The following GAN variants were observed in gnomAD, a reference collection of about 807,000 sequenced individuals.
The protein encoded by GAN is epididymis secretory sperm binding protein.
GAN carries 48 observed loss-of-function variants against 71.3 expected under a neutral mutation model. The ratio of observed to expected loss-of-function variants is 0.67; its 90% CI spans 0.53 to 0.86. The LOEUF is 0.86. Ranked by LOEUF, GAN falls within the 40% of genes least tolerant of loss-of-function variation. The pLI, the probability that GAN is intolerant of heterozygous loss-of-function variation, is 0.00. For synonymous variants in GAN, 386 were observed against 276.8 expected (o/e 1.39, Z -3.92); for missense variants, 928 against 770.1 (o/e 1.21, Z -2.43).
At chr16:81,317,043 G>C (rs1418240955) in intron 1 of GAN, among the ~76,000 whole-genome samples, 1 of 152,094 alleles carries the variant, frequency 6.6e-6, no homozygotes, top group East Asian at 1.9e-4. Context: ...ATTTTTAGTA[G>C]AGTCGGGGTT....
intron 9 of GAN, among the ~76,000 whole-genome samples, chr16:81,376,412 G>A (rs78981443): frequency 0.016 from 2,480 of 151,250 alleles, 67 homozygotes; most frequent in East Asian, 0.12. Flanking sequence ...CTGAGCCCAG[G>A]AGCTCAAGAC....
At chr16:81,326,265 C>T (rs1038719509) in intron 1 of GAN, among the ~76,000 whole-genome samples, 1 of 151,980 alleles carries the variant, frequency 6.6e-6, no homozygotes, top group African/African-American at 2.4e-5. Flanking sequence ...AGCCTATAAT[C>T]CCAGCACTTT....
rs962439462 is a variant in GAN at position 81,346,807 on chromosome 16, C to T, written c.168-4776C>T. 2.6e-5 allele frequency among the ~76,000 whole-genome samples: 4 copies of T among 152,220 alleles called. No homozygotes were observed. The South Asian group carries it at 8.3e-4, about 32-fold the overall frequency. On this transcript the variant is annotated intron_variant, in intron 1 of 10. Coordinates refer to ENST00000648994, the MANE Select transcript of GAN (RefSeq NM_022041.4). Reference sequence around the variant, plus strand: ...GGGAGCCTGGTGCTGGGAGAGAAGACTGCCTGGCAGGAGGCAGGTCTCTTC... The same window carrying T: ...GGGAGCCTGGTGCTGGGAGAGAAGATTGCCTGGCAGGAGGCAGGTCTCTTC...
At chr16:81,334,463 A>G (rs1396115516) in intron 1 of GAN, among the ~76,000 whole-genome samples, 1 of 152,196 alleles carries the variant, frequency 6.6e-6, no homozygotes, top group Non-Finnish European at 1.5e-5. Flanking sequence ...GAATCTTCCC[A>G]GGCAGGGCAC....
intron 1 of GAN, among the ~76,000 whole-genome samples, chr16:81,341,855 C>G (rs1390226101): frequency 1.3e-5 from 2 of 152,158 alleles, no homozygotes; most frequent in Non-Finnish European, 2.9e-5. Flanking sequence ...GATAAAGAGT[C>G]AAGACCCATC....
At chr16:81,327,103 G>A (rs1417921757) in intron 1 of GAN, among the ~76,000 whole-genome samples, 3 of 152,292 alleles carry the variant, frequency 2.0e-5, no homozygotes, top group East Asian at 1.9e-4. Context: ...CAGCTCCCAC[G>A]AATTCAATTT....
chr16:81,375,809 A>C (rs186883222), intron 9 of GAN, among the ~76,000 whole-genome samples: 95 of 151,978 alleles, frequency 6.3e-4, no homozygotes, highest in African/African-American at 2.2e-3. Context: ...CTATGGAAAA[A>C]AAAAAAATTC....
chr16:81,342,221 G>T (rs2150678423), intron 1 of GAN, among the ~76,000 whole-genome samples: 2 of 152,212 alleles, frequency 1.3e-5, no homozygotes, highest in South Asian at 4.2e-4. Flanking sequence ...TTAGACAGAT[G>T]AATGAGACAG....
intron 1 of GAN, among the ~76,000 whole-genome samples, chr16:81,325,107 A>G (rs1397052006): frequency 6.6e-6 from 1 of 152,268 alleles, no homozygotes; most frequent in African/African-American, 2.4e-5. Context: ...ATCGTCACCA[A>G]CAGATGATGT....
chr16:81,320,245 CATT>C (rs1296530291), intron 1 of GAN, among the ~76,000 whole-genome samples: 2 of 152,290 alleles, frequency 1.3e-5, no homozygotes, highest in African/African-American at 4.8e-5. Context: ...GTAACATAGA[CATT>C]ATTTTTTGAA....
intron 9 of GAN, among the ~76,000 whole-genome samples, chr16:81,368,794 T>A (rs1216415675): frequency 2.0e-5 from 3 of 152,186 alleles, no homozygotes. Flanking sequence ...GCCAGTGCAG[T>A]TACTTATTTG....
rs1910227285 is a variant in GAN, at chr16:81,349,452, CG to C, written c.168-2128del. 2.0e-5 allele frequency among the ~76,000 whole-genome samples: 3 copies of C among 152,020 alleles called. No individual in the cohort carries two copies. In the South Asian group the frequency reaches 6.3e-4, roughly 32 times the overall value. On this transcript the variant is annotated intron_variant, in intron 1 of 10. Transcript: ENST00000648994. Reference sequence around the variant, plus strand: ...TCAGTTTAGGAGTTCGAAACCAGCCCGGGCAAGATGGTGAAACCCCGTCTCT... The same window carrying C: ...TCAGTTTAGGAGTTCGAAACCAGCCCGGCAAGATGGTGAAACCCCGTCTCT...
rs9930065 is a variant in GAN, at chr16:81,364,713, G to A, written c.1237-261G>A. On this transcript the variant is annotated intron_variant, in intron 7 of 10. Transcript: ENST00000648994. ...CTAATAAATAAATAAATAAAAATGA[G>A]GCTTTTGAACTTCTTTCAGTTAGTG... Among the ~76,000 whole-genome samples the A allele has an allele frequency of 0.16, 24,717 of 152,034 alleles. 3,255 individuals carry two copies. Among genetic ancestry groups the A allele is most frequent in the East Asian group, 0.7 (3,615 of 5,154 alleles).
intron 1 of GAN, among the ~76,000 whole-genome samples, chr16:81,316,667 A>G (rs79703776): frequency 0.12 from 18,808 of 152,262 alleles, 1,269 homozygotes; most frequent in Admixed American, 0.16. Flanking sequence ...ACTACTTTAG[A>G]TGCATTATTG....
intron 1 of GAN, among the ~76,000 whole-genome samples, chr16:81,322,413 T>A (rs1383262565): frequency 6.6e-6 from 1 of 152,228 alleles, no homozygotes; most frequent in Admixed American, 6.5e-5. Flanking sequence ...TTCTGGAGCC[T>A]CCATTTCAAT....
rs2150698841 is a variant in GAN, at chr16:81,377,305, A to T, written c.1589A>T (p.Tyr530Phe). 1 of 1,601,992 alleles carries T rather than the reference A, an allele frequency of 6.2e-7. No homozygotes were observed. The highest frequency in any genetic ancestry group is 2.2e-5 in the East Asian group (1 of 44,810). Residue 530 changes from tyrosine (Y) to phenylalanine (F), a missense_variant, in exon 10 of 11, where the codon TAT (tyrosine) becomes TTT (phenylalanine). Coordinates refer to ENST00000648994, the MANE Select transcript of GAN (RefSeq NM_022041.4). ...GCTGTACCTATAGGAGCCAGTATTT[A>T]TGTTATTGGAGATCTTGATACAGGT... ...YGAVPIGASI[Y>F]VIGDLDTGTN...
intron 1 of GAN, among the ~76,000 whole-genome samples, chr16:81,316,424 C>G (rs1189913873): frequency 1.5e-5 from 2 of 132,208 alleles, no homozygotes; most frequent in African/African-American, 2.8e-5. Context: ...CTTGTAACTT[C>G]TGGTTTCTCT....
Position 81,377,952 on chromosome 16 carries a change from T to A in GAN, c.*356T>A. On this transcript the variant is annotated 3_prime_UTR_variant, in exon 11 of 11. Coordinates refer to ENST00000648994, the MANE Select transcript of GAN (RefSeq NM_022041.4). ...TCCCTGAAGGGAACTCATGTCTGAC[T>A]GCTGTATTCAAATACGTAGCTTTGG... The A allele has an allele frequency of 3.1e-6, 1 of 322,884 alleles. No individual in the cohort carries two copies. Among genetic ancestry groups the A allele is most frequent in the Non-Finnish European group, 5.9e-6 (1 of 168,628 alleles). The allele number at this position is 322,884 out of a possible 1,614,324, so 20.0% of individuals were successfully genotyped here.
At position 81,354,736 on chromosome 16, in the gene GAN, A is replaced by G. The variant is rs146320394; in HGVS notation, c.614A>G (p.His205Arg). ...VFEAVIRWIA[H>R]DTEIRKVHMK... ...GAAGCAGTAATTCGATGGATAGCACATGATACAGAAATAAGAAAGGTACCT... is the reference window on the plus strand; with the variant it reads ...GAAGCAGTAATTCGATGGATAGCACGTGATACAGAAATAAGAAAGGTACCT... Residue 205 changes from histidine to arginine, a missense_variant, in exon 3 of 11, where the codon CAT (histidine) becomes CGT (arginine). By Grantham distance (29) the His-to-Arg change is conservative. Coordinates refer to ENST00000648994, the MANE Select transcript of GAN (RefSeq NM_022041.4). The G allele has an allele frequency of 2.5e-6, 4 of 1,591,716 alleles. No homozygotes were observed. The highest frequency in any genetic ancestry group is 3.4e-6 in the Non-Finnish European group (4 of 1,159,644).
Sources: gnomAD v4.1 joint callset for allele counts (sites outside exome capture counted in the v4.1 genomes callset) on GRCh38, gnomAD v4.1.1 for gene constraint, MANE v1.5 for transcripts, NCBI Gene and HGNC (gene_info 2026-07-23, HGNC 2026-07-21) for gene names.